The following PPM1D variants were observed in gnomAD, a reference collection of about 807,000 sequenced individuals.
The protein encoded by PPM1D is protein phosphatase, Mg2+/Mn2+ dependent 1D, also known as protein phosphatase 1D.
Under a neutral mutation model 58.3 loss-of-function variants are expected in PPM1D, and 52 were observed. The observed-to-expected ratio is 0.89, with a 90% CI of 0.71 to 1.12. The LOEUF is 1.12. Among genes scored for constraint, PPM1D ranks in the 50% most tolerant of loss-of-function variants. The pLI is 0.00. For missense variants in PPM1D, 564 were observed against 777.2 expected, an observed-to-expected ratio of 0.73 and a Z score of 3.26; for synonymous variants, 278 against 285.1, an observed-to-expected ratio of 0.98 and a Z score of 0.25.
chr17:60,651,939 ATGAT>A (rs2143709908), intron 4 of PPM1D, among the ~76,000 whole-genome samples: 1 of 152,334 alleles, frequency 6.6e-6, no homozygotes, highest in South Asian at 2.1e-4. Flanking sequence ...CACATAAGGC[ATGAT>A]TGATTGTTTC....
chr17:60,627,509 C>T (rs1001921100), intron 2 of PPM1D, among the ~76,000 whole-genome samples: 1 of 151,896 alleles, frequency 6.6e-6, no homozygotes, highest in African/African-American at 2.4e-5. Flanking sequence ...GCAACCTCTG[C>T]CTCCCAGGTT....
At chr17:60,649,460 G>A (rs1598411411) in intron 4 of PPM1D, among the ~76,000 whole-genome samples, 3 of 151,622 alleles carry the variant, frequency 2.0e-5, no homozygotes, top group East Asian at 3.9e-4. Context: ...AGGCTGAGGC[G>A]GGTGGATCAC....
At position 60,648,010 on chromosome 17, in the gene PPM1D, A is replaced by G; in HGVS notation, c.945A>G (p.Gly315=). 2.5e-6 allele frequency: 4 copies of G among 1,613,960 alleles called. No individual in the cohort carries two copies. The highest frequency in any genetic ancestry group is 3.4e-6 in the Non-Finnish European group (4 of 1,179,984). ...KHKYIILGSD[G]LWNMIPPQDA... is the part of the protein sequence containing the mutation. ...AGTATATTATATTGGGGAGTGATGG[A>G]CTTTGGAATATGATTCCACCACAAG... The change falls in exon 4 of 6, where the codon GGA becomes GGG. Residue 315 remains glycine (G), a synonymous_variant. Coordinates refer to ENST00000305921, the MANE Select transcript of PPM1D (RefSeq NM_003620.4).
In PPM1D at chr17:60,619,229, T is replaced by TA. The variant is rs569146411; in HGVS notation, c.473-4291dup. 2.8e-3 allele frequency among the ~76,000 whole-genome samples: 424 copies of TA among 152,206 alleles called. 1 individual carries two copies. The highest frequency in any genetic ancestry group is 5.0e-3 in the Non-Finnish European group (341 of 68,004). ...TGGCAGGATTTCCTTTTTTTTTTTT[T>TA]ATGGCTGAACGATATTCCATTGTGT... On this transcript the variant is annotated intron_variant, in intron 1 of 5. Coordinates refer to ENST00000305921, the MANE Select transcript of PPM1D (RefSeq NM_003620.4).
intron 5 of PPM1D, among the ~76,000 whole-genome samples, chr17:60,661,515 G>A (rs1598414899): frequency 1.3e-5 from 2 of 152,010 alleles, no homozygotes; most frequent in African/African-American, 4.8e-5. Context: ...GGAGGTGAGC[G>A]GCTATTCTGA....
At chr17:60,640,154 A>G (rs895200647) in intron 3 of PPM1D, among the ~76,000 whole-genome samples, 2 of 152,144 alleles carry the variant, frequency 1.3e-5, no homozygotes, top group Admixed American at 6.5e-5. Flanking sequence ...TCTCCCCTCT[A>G]CAAAGAATTG....
In PPM1D at chr17:60,657,284, T is replaced by C. The variant is rs181072128; in HGVS notation, c.1260+443T>C. On this transcript the variant is annotated intron_variant, in intron 5 of 5. Coordinates refer to ENST00000305921, the MANE Select transcript of PPM1D (RefSeq NM_003620.4). ...TGAGGATAGCAGACGTTACAACTGG[T>C]TGTCTGTTAACTCGTATAAGAAACT... Among the ~76,000 whole-genome samples, 44 of 152,244 alleles carry C rather than the reference T, an allele frequency of 2.9e-4. No homozygotes were observed. In the East Asian group the frequency reaches 8.3e-3, roughly 29 times the overall value.
chr17:60,643,685 A>G (rs900246783), intron 3 of PPM1D, among the ~76,000 whole-genome samples: 5 of 152,090 alleles, frequency 3.3e-5, no homozygotes, highest in African/African-American at 7.2e-5. Context: ...ATGAAAGTCA[A>G]TACTGCCAAT....
intron 4 of PPM1D, among the ~76,000 whole-genome samples, chr17:60,652,147 C>G (rs953474430): frequency 3.9e-5 from 6 of 152,184 alleles, no homozygotes; most frequent in Non-Finnish European, 7.3e-5. Flanking sequence ...ATCTCTCTCT[C>G]CCTACTACCC....
At chr17:60,604,233 A>G (rs1487587975) in intron 1 of PPM1D, among the ~76,000 whole-genome samples, 1 of 152,248 alleles carries the variant, frequency 6.6e-6, no homozygotes, top group Non-Finnish European at 1.5e-5. Context: ...AACTCTTTAA[A>G]TATTGGGAAG....
At chr17:60,620,373 A>G (rs1436048512) in intron 1 of PPM1D, among the ~76,000 whole-genome samples, 2 of 152,102 alleles carry the variant, frequency 1.3e-5, no homozygotes, top group Non-Finnish European at 2.9e-5. Flanking sequence ...TATATTTTGG[A>G]TATTAATATC....
Position 60,663,099 on chromosome 17 carries a change from G to C in PPM1D, c.1365G>C (p.Glu455Asp), listed in dbSNP as rs2143731607. ...AGAATTTTTTAGAGGTTTCAGCTGAGATAGCTCGAGAGAATGTCCAAGGTG... is the reference window on the plus strand; with the variant it reads ...AGAATTTTTTAGAGGTTTCAGCTGACATAGCTCGAGAGAATGTCCAAGGTG... The part of the protein sequence containing the change: ...FSENFLEVSA[E>D]IARENVQGVV... Residue 455 changes from glutamate (E) to aspartate (D), a missense_variant, in exon 6 of 6, where the codon GAG (glutamate) becomes GAC (aspartate). By Grantham distance (45) the Glu-to-Asp change is conservative. Transcript: ENST00000305921. The C allele has an allele frequency of 6.2e-7, 1 of 1,614,116 alleles. No homozygotes were observed. Among genetic ancestry groups the C allele is most frequent in the Non-Finnish European group, 8.5e-7 (1 of 1,179,972 alleles).
intron 3 of PPM1D, among the ~76,000 whole-genome samples, chr17:60,641,482 A>G (rs1185581742): frequency 1.3e-5 from 2 of 152,172 alleles, no homozygotes; most frequent in African/African-American, 4.8e-5. Context: ...CAGATTCTAG[A>G]TATTAGATCT....
chr17:60,647,829 T>C, intron 3 of PPM1D, 63 bp from the exon 4 acceptor site: 3 of 1,455,716 alleles, frequency 2.1e-6, no homozygotes, highest in Non-Finnish European at 2.9e-6. Flanking sequence ...TCTTTTAATC[T>C]GTTGCTGTTG....
chr17:60,619,100 C>A (rs969932575), intron 1 of PPM1D, among the ~76,000 whole-genome samples: 23 of 152,224 alleles, frequency 1.5e-4, no homozygotes, highest in African/African-American at 5.3e-4. Context: ...GTGACTTTTT[C>A]TTTAGATTCC....
chr17:60,612,422 GTA>G (rs10603972), intron 1 of PPM1D, among the ~76,000 whole-genome samples: 7,052 of 152,204 alleles, frequency 0.046, 576 homozygotes, highest in African/African-American at 0.16. Flanking sequence ...CACCTAGATT[GTA>G]TATAGCGTGT....
At chr17:60,618,254 G>A (rs1253122000) in intron 1 of PPM1D, among the ~76,000 whole-genome samples, 1 of 152,136 alleles carries the variant, frequency 6.6e-6, no homozygotes, top group African/African-American at 2.4e-5. Context: ...GGTACTACAG[G>A]CACATACTAC....
At chr17:60,641,437 T>C (rs2031132450) in intron 3 of PPM1D, among the ~76,000 whole-genome samples, 1 of 152,224 alleles carries the variant, frequency 6.6e-6, no homozygotes, top group South Asian at 2.1e-4. Flanking sequence ...ATGGGGTTAT[T>C]TGTTTTTAAC....
At chr17:60,630,861 G>T (rs1414945028) in intron 2 of PPM1D, among the ~76,000 whole-genome samples, 1 of 152,162 alleles carries the variant, frequency 6.6e-6, no homozygotes, top group Non-Finnish European at 1.5e-5. Flanking sequence ...CTTTAAGATG[G>T]TATTAAGGCA....
Sources: allele counts gnomAD v4.1 joint callset (sites outside exome capture counted in the v4.1 genomes callset), GRCh38; gene constraint gnomAD v4.1.1; transcripts MANE v1.5; gene names NCBI Gene and HGNC (gene_info 2026-07-23, HGNC 2026-07-21).